The following NAAA variants were observed in gnomAD, a reference collection of about 807,000 sequenced individuals.
The protein encoded by NAAA is N-acylethanolamine acid amidase, also known as N-acylethanolamine-hydrolyzing acid amidase.
A neutral mutation model predicts 44.8 loss-of-function variants in NAAA; 39 were observed. That is an observed-to-expected ratio of 0.87 (90% confidence interval 0.67 to 1.14). NAAA has a LOEUF of 1.14. Ranked by LOEUF, NAAA falls within the 50% of genes most tolerant of loss-of-function variation. The probability of loss-of-function intolerance (pLI) is 0.00; values close to 1 mark genes in which losing one functional copy is unlikely to be tolerated. For missense variants in NAAA, 460 were observed against 467.8 expected, an observed-to-expected ratio of 0.98 and a Z score of 0.15; for synonymous variants, 178 against 191.3, an observed-to-expected ratio of 0.93 and a Z score of 0.58.
rs1198519219 is a variant in NAAA, at chr4:75,914,980, G to T, written c.1004C>A (p.Thr335Lys). The T allele has an allele frequency of 6.2e-7, 1 of 1,609,376 alleles. No individual in the cohort carries two copies. Among genetic ancestry groups the T allele is most frequent in the East Asian group, 2.2e-5 (1 of 44,858 alleles). The change falls in exon 10 of 11, where the codon ACA becomes AAA. Residue 335 changes from threonine (T) to lysine (K), a missense_variant. Coordinates refer to ENST00000286733, the MANE Select transcript of NAAA (RefSeq NM_014435.4). Reference protein sequence around the residue: ...LSVVPVYNNFTIYTTVMSAGS... With the variant: ...LSVVPVYNNFKIYTTVMSAGS... Reference sequence around the variant, plus strand: ...GGCGCTCATTACCGTAGTATAAATTGTGAAGCTGAAAATTATGAGGAAATT... The same window carrying T: ...GGCGCTCATTACCGTAGTATAAATTTTGAAGCTGAAAATTATGAGGAAATT...
intron 4 of NAAA, among the ~76,000 whole-genome samples, chr4:75,928,256 A>G (rs146261290): frequency 3.4e-4 from 52 of 152,348 alleles, no homozygotes; most frequent in African/African-American, 1.2e-3. Context: ...AAGCAGGGGA[A>G]CAACCTGACC....
At chr4:75,930,484 A>G in intron 4 of NAAA, 1 of 518,624 alleles carries the variant, frequency 1.9e-6, no homozygotes, top group Non-Finnish European at 3.8e-6. Flanking sequence ...GTGAGGGTCT[A>G]AGAAGAAGAC....
At position 75,940,932 on chromosome 4, in the gene NAAA, C is replaced by G; in HGVS notation, c.18G>C (p.Arg6=). 1 of 1,499,518 alleles carries G rather than the reference C, an allele frequency of 6.7e-7. No homozygotes were observed. The highest frequency in any genetic ancestry group is 8.8e-7 in the Non-Finnish European group (1 of 1,132,930). The allele number at this position is 1,499,518 out of a possible 1,614,324, so 92.9% of individuals were successfully genotyped here. Reference sequence around the variant, plus strand: ...GGGACGGAAGCCCCGGGCGCGCCTCCCGGTCCGCGGTCCGCATGGCTCGGG... The same window carrying G: ...GGGACGGAAGCCCCGGGCGCGCCTCGCGGTCCGCGGTCCGCATGGCTCGGG... MRTAD[R]EARPGLPSLL... is the part of the protein sequence containing the mutation. The change falls in exon 1 of 11, where the codon CGG becomes CGC. Residue 6 remains arginine, a synonymous_variant. Transcript: ENST00000286733.
At chr4:75,930,505 G>T (rs1727134553) in intron 4 of NAAA, 3 of 518,068 alleles carry the variant, frequency 5.8e-6, no homozygotes, top group South Asian at 4.2e-5. Context: ...ATGTGAGGAT[G>T]TACATGGTAA....
At position 75,930,007 on chromosome 4, in the gene NAAA, T is replaced by G. The variant is rs187154517; in HGVS notation, c.589+1207A>C. The stretch of plus-strand genomic sequence containing the variant: ...AGGAAGCTGAGGCATGAGAATCGGC[T>G]GAGCCCGGGAGGCAGAGGTTGCAGT... On this transcript the variant is annotated intron_variant, in intron 4 of 10. Coordinates refer to ENST00000286733, the MANE Select transcript of NAAA (RefSeq NM_014435.4). Among the ~76,000 whole-genome samples, 3 of 152,226 alleles carry G rather than the reference T, an allele frequency of 2.0e-5. No individual in the cohort carries two copies. The East Asian group carries it at 5.8e-4, about 29-fold the overall frequency.
At chr4:75,932,061 T>C (rs1727276551) in intron 3 of NAAA, among the ~76,000 whole-genome samples, 1 of 152,020 alleles carries the variant, frequency 6.6e-6, no homozygotes, top group Non-Finnish European at 1.5e-5. Flanking sequence ...GAAACCTGGA[T>C]TCTACTAAAA....
intron 4 of NAAA, among the ~76,000 whole-genome samples, chr4:75,929,062 G>A (rs1259841386): frequency 6.6e-6 from 1 of 152,016 alleles, no homozygotes; most frequent in Non-Finnish European, 1.5e-5. Flanking sequence ...AAAGTGCTGG[G>A]ATTACAGGCA....
At position 75,925,824 on chromosome 4, in the gene NAAA, G is replaced by A. The variant is rs765097746; in HGVS notation, c.590-13C>T. 1 of 1,612,924 alleles carries A rather than the reference G, an allele frequency of 6.2e-7. No individual in the cohort carries two copies. The highest frequency in any genetic ancestry group is 1.1e-5 in the South Asian group (1 of 91,062). ...CACCAGCCTTTATCTGCCAAGTTGAGTATATATGTTATATATGTGTGTGTA... is the reference window on the plus strand; with the variant it reads ...CACCAGCCTTTATCTGCCAAGTTGAATATATATGTTATATATGTGTGTGTA... On this transcript the variant is annotated splice_polypyrimidine_tract_variant and intron_variant, in intron 4 of 10. Coordinates refer to ENST00000286733, the MANE Select transcript of NAAA (RefSeq NM_014435.4).
At position 75,913,897 on chromosome 4, in the gene NAAA, A is replaced by G; in HGVS notation, c.*478T>C. On this transcript the variant is annotated 3_prime_UTR_variant, in exon 11 of 11. Transcript: ENST00000286733. ...AAAGATCAGACTAACACACATTCAA[A>G]CAGGCTTGGTTCGAAATAGAGTTCT... The G allele has an allele frequency of 1.0e-6, 1 of 985,372 alleles. No homozygotes were observed. Among genetic ancestry groups the G allele is most frequent in the South Asian group, 4.7e-5 (1 of 21,278 alleles). The allele number at this position is 985,372 out of a possible 1,614,324, so 61.0% of individuals were successfully genotyped here.
chr4:75,930,637 A>C (rs905899381), intron 4 of NAAA, among the ~76,000 whole-genome samples: 2 of 152,172 alleles, frequency 1.3e-5, no homozygotes, highest in African/African-American at 2.4e-5. Flanking sequence ...ATCTCTACAG[A>C]GCAGCAAAAG....
intron 4 of NAAA, 74 bp downstream of exon 4, chr4:75,931,140 G>T: frequency 8.4e-7 from 1 of 1,196,546 alleles, no homozygotes. Context: ...ATTCTGTTGG[G>T]TGAGTGAAGG....
downstream of NAAA, among the ~76,000 whole-genome samples, chr4:75,910,894 G>C (rs1725301745): frequency 6.6e-6 from 1 of 152,152 alleles, no homozygotes; most frequent in Non-Finnish European, 1.5e-5. Context: ...CGTGGGCTGA[G>C]TCCAAAAAAG....
chr4:75,921,873 G>A (rs77691004), intron 5 of NAAA, among the ~76,000 whole-genome samples: 5 of 152,126 alleles, frequency 3.3e-5, no homozygotes, highest in Non-Finnish European at 1.5e-5. Context: ...CCCCGAGGGC[G>A]CATGATGACT....
chr4:75,931,299 T>C lies in NAAA; in HGVS notation c.504A>G (p.Ala168=). ...AGCCAATAAAAGTAGTTCCTGTGAA[T>C]GCAATCTGAAATCAAGAGATAACAT... The part of the protein sequence containing the change: ...DVQFLKNGQI[A]FTGTTFIGYV... The change falls in exon 4 of 11, where the codon GCA becomes GCG. Residue 168 remains alanine, a synonymous_variant. Transcript: ENST00000286733. 1.2e-6 allele frequency: 2 copies of C among 1,609,364 alleles called. No individual in the cohort carries two copies. The highest frequency in any genetic ancestry group is 1.1e-5 in the South Asian group (1 of 90,848).
chr4:75,934,839 T>G (rs1169169781), intron 3 of NAAA: 7 of 152,178 alleles, frequency 4.6e-5, no homozygotes, highest in African/African-American at 1.7e-4. Flanking sequence ...GATTATTTCA[T>G]GGGAACTCCA....
In NAAA at chr4:75,934,052, GTAATAATAATAATAATAATAA is replaced by G. The variant is rs66466020; in HGVS notation, c.498+2036_498+2056del. Among the ~76,000 whole-genome samples the G allele has an allele frequency of 8.9e-4, 127 of 141,994 alleles. 1 individual carries two copies. The highest frequency in any genetic ancestry group is 8.3e-3 in the East Asian group (40 of 4,798). The allele number at this position is 141,994 out of a possible 152,430, so 93.2% of individuals were successfully genotyped here. On this transcript the variant is annotated intron_variant, in intron 3 of 10. Transcript: ENST00000286733. ...CTCAAAAATAAAAACAATAGTAGTAGTAATAATAATAATAATAATAATAATAATAATAATAATAATAATAAT... is the reference window on the plus strand; with the variant it reads ...CTCAAAAATAAAAACAATAGTAGTAGTAATAATAATAATAATAATAATAAT...
chr4:75,939,336 C>A (rs1728010208), intron 2 of NAAA, among the ~76,000 whole-genome samples: 1 of 152,044 alleles, frequency 6.6e-6, no homozygotes, highest in African/African-American at 2.4e-5. Context: ...AGCTGGAAGG[C>A]CACTGAGTTA....
chr4:75,914,779 G>A (rs1247485123), intron 10 of NAAA, 89 bp downstream of exon 10: 3 of 803,118 alleles, frequency 3.7e-6, no homozygotes, highest in Admixed American at 4.6e-5. Flanking sequence ...TATTATATAT[G>A]TATACATTTT....
At chr4:75,917,108 A>T (rs1379275471) in intron 9 of NAAA, 6 of 958,086 alleles carry the variant, frequency 6.3e-6, no homozygotes, top group Non-Finnish European at 6.2e-6. Context: ...ATAATTACCT[A>T]AAAAAACTAT....
Sources: allele counts gnomAD v4.1 joint callset (sites outside exome capture counted in the v4.1 genomes callset), GRCh38; gene constraint gnomAD v4.1.1; transcripts MANE v1.5; gene names NCBI Gene and HGNC (gene_info 2026-07-23, HGNC 2026-07-21).